The following GBP7 variants were observed in gnomAD, a reference collection of about 807,000 sequenced individuals.
GBP7 encodes guanylate-binding protein 7.
A neutral mutation model predicts 61.3 loss-of-function variants in GBP7; 43 were observed. The observed-to-expected ratio is 0.70, with a 90% CI of 0.55 to 0.91. GBP7 has a LOEUF of 0.91. Ranked by LOEUF, GBP7 falls within the 40% of genes least tolerant of loss-of-function variation. The pLI is 0.00. For missense variants in GBP7, 717 were observed against 740.5 expected (o/e 0.97, Z 0.37); for synonymous variants, 267 against 271.0 (o/e 0.99, Z 0.14).
Position 89,149,316 on chromosome 1 carries a change from G to A in GBP7, c.1128C>T (p.Ser376=). The A allele has an allele frequency of 6.2e-7, 1 of 1,605,832 alleles. No individual in the cohort carries two copies. Residue 376 remains serine, a synonymous_variant, in exon 7 of 11, where the codon AGC becomes AGT. Transcript: ENST00000294671. ...CCACAAGCTTCTTCTGAAATTCCTG[G>A]CTTTTATCTTTGAAGGAGTACTCCA... The part of the protein sequence containing the change: ...VFMEYSFKDK[S]QEFQKKLVDT...
At position 89,171,736 on chromosome 1, in the gene GBP7, T is replaced by C; in HGVS notation, c.190+10A>G. 1.2e-6 allele frequency: 2 copies of C among 1,611,014 alleles called. No individual in the cohort carries two copies. The highest frequency in any genetic ancestry group is 1.7e-6 in the Non-Finnish European group (2 of 1,178,562). On this transcript the variant is annotated intron_variant, in intron 2 of 10. Coordinates refer to ENST00000294671, the MANE Select transcript of GBP7 (RefSeq NM_207398.3). The stretch of plus-strand genomic sequence containing the variant: ...ATGGGGCTCATCCATGCTTTGCTGG[T>C]GCCACTCACCTTTGTTCTTCCCAGC...
chr1:89,167,036 T>C (rs1570361768), intron 2 of GBP7, among the ~76,000 whole-genome samples: 1 of 152,196 alleles, frequency 6.6e-6, no homozygotes, highest in South Asian at 2.1e-4. Context: ...TACCTGAATT[T>C]GGTATGCATA....
intron 9 of GBP7, among the ~76,000 whole-genome samples, chr1:89,139,916 A>G (rs1269708510): frequency 6.6e-6 from 1 of 152,162 alleles, no homozygotes; most frequent in East Asian, 1.9e-4. Flanking sequence ...TAGAAATACC[A>G]TTTGACCCAG....
chr1:89,158,894 G>T (rs529178337), intron 3 of GBP7, among the ~76,000 whole-genome samples: 1 of 151,262 alleles, frequency 6.6e-6, no homozygotes, highest in African/African-American at 2.4e-5. Flanking sequence ...AAAAGAGCCC[G>T]CATTGCCAAG....
chr1:89,159,351 A>G (rs1021933051), intron 3 of GBP7, among the ~76,000 whole-genome samples: 38 of 152,236 alleles, frequency 2.5e-4, no homozygotes, highest in Non-Finnish European at 4.8e-4. Flanking sequence ...AAAAGCCAAA[A>G]TAGACAAATG....
intron 10 of GBP7, 119 bp downstream of exon 10, chr1:89,133,139 G>T (rs1681716349): frequency 1.4e-6 from 1 of 737,118 alleles, no homozygotes; most frequent in Middle Eastern, 2.4e-4. Flanking sequence ...TGAAATTTAA[G>T]TGAAATATAT....
chr1:89,152,896 G>A, intron 3 of GBP7, 119 bp from the exon 4 acceptor site: 1 of 639,218 alleles, frequency 1.6e-6, no homozygotes, highest in Non-Finnish European at 2.5e-6. Flanking sequence ...AAAATGCTGT[G>A]TCTAAAGGAA....
At chr1:89,140,893 TG>T (rs1681926399) in intron 9 of GBP7, among the ~76,000 whole-genome samples, 1 of 152,220 alleles carries the variant, frequency 6.6e-6, no homozygotes, top group South Asian at 2.1e-4. Flanking sequence ...TAATGTTCTT[TG>T]CAGCACTGTG....
intron 1 of GBP7, among the ~76,000 whole-genome samples, chr1:89,174,473 A>T (rs1034926964): frequency 6.6e-6 from 1 of 152,180 alleles, no homozygotes; most frequent in Non-Finnish European, 1.5e-5. Flanking sequence ...TCACGTTCAC[A>T]TTTAGATCTT....
At position 89,173,873 on chromosome 1, in the gene GBP7, A is replaced by C. The variant is rs370877357; in HGVS notation, c.-19-1919T>G. On this transcript the variant is annotated intron_variant, in intron 1 of 10. Coordinates refer to ENST00000294671, the MANE Select transcript of GBP7 (RefSeq NM_207398.3). ...TTTCCTTCATCTTACCACTCCACTC[A>C]CATTGCAGTGGTCTTCTATTCTTTC... 3.7e-4 allele frequency among the ~76,000 whole-genome samples: 56 copies of C among 152,324 alleles called. 6 individuals carry two copies. The highest frequency in any genetic ancestry group is 9.2e-4 in the Admixed American group (14 of 15,296).
At chr1:89,164,523 A>G (rs1380031558) in intron 3 of GBP7, among the ~76,000 whole-genome samples, 1 of 152,208 alleles carries the variant, frequency 6.6e-6, no homozygotes, top group Non-Finnish European at 1.5e-5. Flanking sequence ...AATTCATCCA[A>G]CTGTTAAAAA....
chr1:89,141,720 T>G (rs1016935347), intron 8 of GBP7, 72 bp from the exon 9 acceptor site: 2 of 1,176,924 alleles, frequency 1.7e-6, no homozygotes, highest in Non-Finnish European at 2.5e-6. Flanking sequence ...AAATTATTGT[T>G]CAACAAAGCC....
At chr1:89,168,867 G>A (rs1355189353) in intron 2 of GBP7, among the ~76,000 whole-genome samples, 1 of 152,142 alleles carries the variant, frequency 6.6e-6, no homozygotes, top group Non-Finnish European at 1.5e-5. Flanking sequence ...TACTCAGAAG[G>A]CTGAGGCAGG....
At chr1:89,152,524 A>G in intron 4 of GBP7, 60 bp from the exon 5 acceptor site, 1 of 1,562,148 alleles carries the variant, frequency 6.4e-7, no homozygotes, top group Non-Finnish European at 8.8e-7. Flanking sequence ...TCTCACTTAG[A>G]AACAAGTTTT....
Position 89,149,541 on chromosome 1 carries a change from A to T in GBP7, c.903T>A (p.Asp301Glu). The T allele has an allele frequency of 6.2e-7, 1 of 1,614,052 alleles. No homozygotes were observed. The highest frequency in any genetic ancestry group is 8.5e-7 in the Non-Finnish European group (1 of 1,179,924). The change falls in exon 7 of 11, where the codon GAT becomes GAA. Residue 301 changes from aspartate to glutamate, a missense_variant. Around this residue, in one of 3 missense-constraint regions of GBP7, gnomAD observed 387 missense variants for 385.2 expected, o/e 1.00. Transcript: ENST00000294671. The stretch of plus-strand genomic sequence containing the variant: ...AAGGAGTCGCTCCACTGTTGATGGC[A>T]TCCAGGTAGGTCTCCACCAGCATCC... ...RLGMLVETYLDAINSGATPCL... is the reference protein window; with the variant it reads ...RLGMLVETYLEAINSGATPCL...
rs570198582 is a variant in GBP7 at position 89,160,707 on chromosome 1, G to A, written c.318+4024C>T. Among the ~76,000 whole-genome samples, 9 of 152,074 alleles carry A rather than the reference G, an allele frequency of 5.9e-5. No individual in the cohort carries two copies. In the South Asian group the frequency reaches 8.3e-4, roughly 14 times the overall value. On this transcript the variant is annotated intron_variant, in intron 3 of 10. Transcript: ENST00000294671. ...GAGGTGACAAAAAAGAAATAATTTC[G>A]TCACAATAAAGGCTTATTTCTTTCC... is the stretch of plus-strand genomic sequence containing the variant.
rs1682232909 is a variant in GBP7, at chr1:89,152,764, C to T, written c.332G>A (p.Ser111Asn). The change falls in exon 4 of 11, where the codon AGT (serine) becomes AAT (asparagine). Residue 111 changes from serine to asparagine, a missense_variant. By Grantham distance (46) the Ser-to-Asn change is conservative. Around this residue, in one of 3 missense-constraint regions of GBP7, gnomAD observed 387 missense variants for 385.2 expected, o/e 1.00. Coordinates refer to ENST00000294671, the MANE Select transcript of GBP7 (RefSeq NM_207398.3). ...LGDMEKSDPK[S>N]DSWIFALAVL... ...AGCCAGGGCAAAGATCCACGAGTCACTCTTAGGGTCACTCTAGTGTTAAAG... is the reference window on the plus strand; with the variant it reads ...AGCCAGGGCAAAGATCCACGAGTCATTCTTAGGGTCACTCTAGTGTTAAAG... 3.1e-6 allele frequency: 5 copies of T among 1,588,096 alleles called. No individual in the cohort carries two copies. The highest frequency in any genetic ancestry group is 1.7e-5 in the Admixed American group (1 of 58,884).
rs745576269 is a variant in GBP7, at chr1:89,147,547, C to T, written c.1365+20G>A. The T allele has an allele frequency of 7.6e-6, 12 of 1,588,992 alleles. No individual in the cohort carries two copies. The highest frequency in any genetic ancestry group is 1.1e-5 in the South Asian group (1 of 90,532). ...CTGACTATCCTCTGTCATCCATCCCCTTCTCCCCTTATTCCTCACCTTAAC... is the reference window on the plus strand; with the variant it reads ...CTGACTATCCTCTGTCATCCATCCCTTTCTCCCCTTATTCCTCACCTTAAC... On this transcript the variant is annotated intron_variant, in intron 8 of 10. Transcript: ENST00000294671.
At chr1:89,159,486 A>G (rs1682386932) in intron 3 of GBP7, among the ~76,000 whole-genome samples, 1 of 152,244 alleles carries the variant, frequency 6.6e-6, no homozygotes, top group Admixed American at 6.5e-5. Context: ...AATGTCCAGT[A>G]TATACAAAGA....
Sources: gnomAD v4.1 joint callset for allele counts (sites outside exome capture counted in the v4.1 genomes callset) on GRCh38, gnomAD v4.1.1 for gene constraint, gnomAD v4.1.1 regional missense constraint, MANE v1.5 for transcripts, NCBI Gene and HGNC (gene_info 2026-07-23, HGNC 2026-07-21) for gene names.